TSG101: variants seen among roughly 807,000 people sequenced by gnomAD.
TSG101 encodes the protein tumor susceptibility 101, also known as tumor susceptibility gene 101 protein.
In TSG101, 19 loss-of-function variants were observed where a neutral mutation model predicts 48.5. The ratio of observed to expected loss-of-function variants is 0.39; its 90% CI spans 0.27 to 0.58. The LOEUF (loss-of-function observed/expected upper bound fraction) is 0.58. TSG101 is among the 20% of genes least tolerant of loss of function. The pLI, the probability that TSG101 is intolerant of heterozygous loss-of-function variation, is 0.55. For synonymous variants in TSG101, 174 were observed against 169.4 expected, an observed-to-expected ratio of 1.03 and a Z score of -0.21; for missense variants, 365 against 484.4, an observed-to-expected ratio of 0.75 and a Z score of 2.31.
intron 3 of TSG101, 63 bp from the exon 4 acceptor site, chr11:18,514,904 A>G: frequency 7.0e-7 from 1 of 1,420,104 alleles, no homozygotes; most frequent in South Asian, 1.4e-5. Context: ...AAGAATGGTT[A>G]AAGGAACAGA....
chr11:18,508,040 G>C (rs1465496249), intron 5 of TSG101: 1 of 150,954 alleles, frequency 6.6e-6, no homozygotes, highest in African/African-American at 2.4e-5. Flanking sequence ...GTTGCAGTCA[G>C]CCCAGATCAT....
At chr11:18,490,682 A>G in intron 7 of TSG101, 4 of 445,984 alleles carry the variant, frequency 9.0e-6, no homozygotes. Context: ...GTCATTGCAG[A>G]TGTCCTGCAG....
chr11:18,496,572 T>C (rs184454604), intron 7 of TSG101, among the ~76,000 whole-genome samples: 87 of 152,170 alleles, frequency 5.7e-4, no homozygotes, highest in South Asian at 4.4e-3. Context: ...GTGACTCACA[T>C]CTGTAATCCG....
chr11:18,526,210 A>C lies in TSG101; in HGVS notation c.42+565T>G, dbSNP rs1590292974. On this transcript the variant is annotated intron_variant, in intron 1 of 9. Coordinates refer to ENST00000251968, the MANE Select transcript of TSG101 (RefSeq NM_006292.4). Reference sequence around the variant, plus strand: ...AAAGCAAATAAATACGCGTTATAAGAAGCATACACTTAAAAGTAGTTACTC... The same window carrying C: ...AAAGCAAATAAATACGCGTTATAAGCAGCATACACTTAAAAGTAGTTACTC... Among the ~76,000 whole-genome samples the C allele has an allele frequency of 5.3e-5, 8 of 152,276 alleles. No individual in the cohort carries two copies. In the South Asian group the frequency reaches 1.5e-3, roughly 28 times the overall value.
At chr11:18,497,719 GC>G (rs1339821540) in intron 7 of TSG101, among the ~76,000 whole-genome samples, 2 of 152,120 alleles carry the variant, frequency 1.3e-5, no homozygotes, top group Non-Finnish European at 2.9e-5. Context: ...AAATAAGAGA[GC>G]TTCACCAGAT....
chr11:18,496,442 AAAAATAAAAT>A (rs201480350), intron 7 of TSG101, among the ~76,000 whole-genome samples: 41,071 of 109,938 alleles, frequency 0.37, 8,431 homozygotes, highest in Non-Finnish European at 0.43. Flanking sequence ...ACTCTGTCTC[AAAAATAAAAT>A]AAAATAAAAT....
chr11:18,499,644 C>T (rs1849856823), intron 7 of TSG101, among the ~76,000 whole-genome samples: 1 of 150,806 alleles, frequency 6.6e-6, no homozygotes, highest in Non-Finnish European at 1.5e-5. Context: ...AACTCCTGAC[C>T]TCGCAATCTG....
chr11:18,526,154 T>C (rs1247709944), intron 1 of TSG101, among the ~76,000 whole-genome samples: 1 of 151,196 alleles, frequency 6.6e-6, no homozygotes, highest in East Asian at 1.9e-4. Context: ...AAAACACTAG[T>C]CTTGAGCCGT....
At chr11:18,492,560 C>T (rs1455689372) in intron 7 of TSG101, among the ~76,000 whole-genome samples, 1 of 152,104 alleles carries the variant, frequency 6.6e-6, no homozygotes, top group Non-Finnish European at 1.5e-5. Flanking sequence ...CATAATACCA[C>T]CAAATAAGTC....
rs771947853 is a variant in TSG101, at chr11:18,506,880, T to A, written c.525A>T (p.Pro175=). 1 of 1,600,362 alleles carries A rather than the reference T, an allele frequency of 6.2e-7. No individual in the cohort carries two copies. Among genetic ancestry groups the A allele is most frequent in the Non-Finnish European group, 8.5e-7 (1 of 1,172,222 alleles). The change falls in exon 6 of 10, where the codon CCA becomes CCT. Residue 175 remains proline (P), a synonymous_variant. Transcript: ENST00000251968. The part of the protein sequence containing the change: ...PGMPGGISPY[P]SGYPPNPSGY... ...ACCTGGGATTGGGAGGGTATCCGGA[T>A]GGGTATGGAGAGATTCCACCTGGCA...
At chr11:18,520,954 C>G (rs1850262351) in intron 1 of TSG101, among the ~76,000 whole-genome samples, 1 of 151,970 alleles carries the variant, frequency 6.6e-6, no homozygotes, top group South Asian at 2.1e-4. Context: ...TCGCTTGAAC[C>G]CAGGAGGCAG....
At chr11:18,511,544 T>C (rs1850082384) in intron 4 of TSG101, 1 of 152,198 alleles carries the variant, frequency 6.6e-6, no homozygotes, top group Non-Finnish European at 1.5e-5. Context: ...TGTGTGGGGA[T>C]GGCCACTGAG....
chr11:18,525,097 C>A (rs9633899), intron 1 of TSG101, among the ~76,000 whole-genome samples: 1 of 151,366 alleles, frequency 6.6e-6, no homozygotes, highest in Non-Finnish European at 1.5e-5. Context: ...TTTTAGGAGA[C>A]GGGGTTTCAC....
At chr11:18,520,416 G>A (rs533012325) in intron 1 of TSG101, among the ~76,000 whole-genome samples, 1 of 152,022 alleles carries the variant, frequency 6.6e-6, no homozygotes, top group East Asian at 1.9e-4. Context: ...GTAAAGACAG[G>A]GTCTTGCTAT....
intron 7 of TSG101, among the ~76,000 whole-genome samples, chr11:18,488,792 TAGAG>T (rs1424913437): frequency 6.6e-6 from 1 of 151,692 alleles, no homozygotes; most frequent in East Asian, 1.9e-4. Flanking sequence ...GACAGAAATT[TAGAG>T]AGGAGGGAAG....
In TSG101 at chr11:18,481,821, GTTC is replaced by G; in HGVS notation, c.889_891del (p.Glu297del). 2 of 1,614,010 alleles carry G rather than the reference GTTC, an allele frequency of 1.2e-6. No individual in the cohort carries two copies. The highest frequency in any genetic ancestry group is 1.1e-5 in the South Asian group (1 of 91,082). On this transcript the variant is annotated inframe_deletion, in exon 9 of 10. Transcript: ENST00000251968. ...TCCATTTTTTCCAGAGCAGAACTGA[GTTC>G]TTCATCCTTCTTTTTCAAAAGTTCT... is the stretch of plus-strand genomic sequence containing the variant.
At chr11:18,505,315 G>C in intron 6 of TSG101, among the ~76,000 whole-genome samples, 1 of 151,430 alleles carries the variant, frequency 6.6e-6, no homozygotes, top group East Asian at 1.9e-4. Flanking sequence ...GGAGTACAGT[G>C]GTGCAATTAC....
intron 7 of TSG101, among the ~76,000 whole-genome samples, chr11:18,495,903 AAC>A (rs1565085646): frequency 6.7e-6 from 1 of 148,820 alleles, no homozygotes; most frequent in African/African-American, 2.5e-5. Flanking sequence ...CAGCCTGGGC[AAC>A]AGAGTGAGAC....
chr11:18,509,262 T>C (rs1022088419), intron 5 of TSG101, among the ~76,000 whole-genome samples: 4 of 152,206 alleles, frequency 2.6e-5, no homozygotes, highest in African/African-American at 7.2e-5. Context: ...TTCTGCAGCA[T>C]GCATAATTTT....
Sources: gnomAD v4.1 joint callset for allele counts (sites outside exome capture counted in the v4.1 genomes callset) on GRCh38, gnomAD v4.1.1 for gene constraint, MANE v1.5 for transcripts, NCBI Gene and HGNC (gene_info 2026-07-23, HGNC 2026-07-21) for gene names.